TPRG1: variants seen among roughly 807,000 people sequenced by gnomAD.
TPRG1 encodes the protein tumor protein p63 regulated 1, also known as tumor protein p63-regulated gene 1 protein.
TPRG1 carries 29 observed loss-of-function variants against 29.3 expected under a neutral mutation model. That is an observed-to-expected ratio of 0.99 (90% CI 0.74 to 1.35). The LOEUF is 1.35. Ranked by LOEUF, TPRG1 falls within the 40% of genes most tolerant of loss-of-function variation. TPRG1 has a pLI of 0.00. For synonymous variants in TPRG1, 130 were observed against 116.8 expected, an observed-to-expected ratio of 1.11 and a Z score of -0.73; for missense variants, 327 against 335.0, an observed-to-expected ratio of 0.98 and a Z score of 0.19.
At chr3:189,034,921 G>A (rs570798244) in intron 4 of TPRG1, among the ~76,000 whole-genome samples, 27 of 152,202 alleles carry the variant, frequency 1.8e-4, no homozygotes, top group Admixed American at 1.7e-3. Context: ...ATTTTCCGCA[G>A]AATTAGAAAA....
intron 1 of TPRG1, among the ~76,000 whole-genome samples, chr3:189,177,094 T>C (rs1000346207): frequency 3.9e-5 from 6 of 152,086 alleles, no homozygotes; most frequent in Non-Finnish European, 5.9e-5. Flanking sequence ...GAAGCTTGGA[T>C]GAGGATGTAG....
chr3:189,187,450 AC>A (rs1174286664), intron 1 of TPRG1, among the ~76,000 whole-genome samples: 2 of 148,214 alleles, frequency 1.3e-5, no homozygotes, highest in Admixed American at 1.3e-4. Context: ...GGGATTACAG[AC>A]CCCGCCACCA....
chr3:189,294,967 A>G (rs1344184726), intron 4 of TPRG1, among the ~76,000 whole-genome samples: 1 of 152,210 alleles, frequency 6.6e-6, no homozygotes, highest in African/African-American at 2.4e-5. Context: ...CTCCTCATTT[A>G]CATAAGCTTT....
intron 4 of TPRG1, among the ~76,000 whole-genome samples, chr3:189,239,624 C>T (rs1415508443): frequency 6.6e-6 from 1 of 152,024 alleles, no homozygotes; most frequent in Non-Finnish European, 1.5e-5. Flanking sequence ...AGGAGTTAGC[C>T]AAAGAAGGAG....
At chr3:189,013,548 G>A (rs977613430) in intron 3 of TPRG1, among the ~76,000 whole-genome samples, 2 of 152,156 alleles carry the variant, frequency 1.3e-5, no homozygotes, top group Non-Finnish European at 2.9e-5. Flanking sequence ...ACCTGATCCA[G>A]AGCTGAGTTC....
intron 4 of TPRG1, among the ~76,000 whole-genome samples, chr3:189,272,600 GTCTCT>G (rs149099918): frequency 0.17 from 25,306 of 151,674 alleles, 2,360 homozygotes; most frequent in African/African-American, 0.26. Context: ...CTTCTGCCAA[GTCTCT>G]TCTCTTCTCT....
intron 1 of TPRG1, among the ~76,000 whole-genome samples, chr3:189,196,427 T>G (rs986107890): frequency 6.6e-6 from 1 of 151,986 alleles, no homozygotes; most frequent in African/African-American, 2.4e-5. Flanking sequence ...AGGAGAGAGG[T>G]TTAATTGACT....
chr3:189,307,858 C>G (rs955056903), intron 4 of TPRG1, among the ~76,000 whole-genome samples: 9 of 152,168 alleles, frequency 5.9e-5, no homozygotes, highest in Admixed American at 5.9e-4. Flanking sequence ...CTGATTTGTG[C>G]TTTTCCATGT....
At chr3:189,181,909 C>T (rs1730278625) in intron 1 of TPRG1, among the ~76,000 whole-genome samples, 1 of 152,186 alleles carries the variant, frequency 6.6e-6, no homozygotes. Context: ...TTCCATGTGA[C>T]TGGGGAAGCC....
intron 4 of TPRG1, among the ~76,000 whole-genome samples, chr3:189,239,210 C>T (rs1341923398): frequency 3.3e-5 from 5 of 152,054 alleles, no homozygotes; most frequent in South Asian, 4.2e-4. Context: ...AGAATTATGG[C>T]GGGAGGGGAA....
chr3:189,073,054 A>G (rs1226173807), intron 4 of TPRG1, among the ~76,000 whole-genome samples: 1 of 152,126 alleles, frequency 6.6e-6, no homozygotes, highest in African/African-American at 2.4e-5. Context: ...ATTAGTAGCT[A>G]TTTCCACAAT....
At position 189,175,598 on chromosome 3, in the gene TPRG1, C is replaced by T. The variant is rs1049774620; in HGVS notation, c.-10+3467C>T. 3.3e-5 allele frequency among the ~76,000 whole-genome samples: 5 copies of T among 152,192 alleles called. No homozygotes were observed. The South Asian group carries it at 1.0e-3, about 32-fold the overall frequency. ...TGAGAGAATGTCTGTGTAGGCACACCTTAGCTCTACATTAGGATTTTCAGA... is the reference window on the plus strand; with the variant it reads ...TGAGAGAATGTCTGTGTAGGCACACTTTAGCTCTACATTAGGATTTTCAGA... On this transcript the variant is annotated intron_variant, in intron 1 of 5. Transcript: ENST00000345063.
chr3:189,036,039 G>C (rs1301216738), intron 4 of TPRG1, among the ~76,000 whole-genome samples: 1 of 151,834 alleles, frequency 6.6e-6, no homozygotes, highest in Non-Finnish European at 1.5e-5. Context: ...ATTACTAGTG[G>C]ATTGGATAAA....
At chr3:189,014,033 T>C (rs774470571) in intron 3 of TPRG1, among the ~76,000 whole-genome samples, 2 of 152,192 alleles carry the variant, frequency 1.3e-5, no homozygotes, top group Admixed American at 6.5e-5. Context: ...TGTGTGAATT[T>C]GATCCTGCCA....
intron 3 of TPRG1, among the ~76,000 whole-genome samples, chr3:189,142,942 ATGATT>A (rs1436182658): frequency 6.6e-6 from 1 of 152,234 alleles, no homozygotes; most frequent in African/African-American, 2.4e-5. Context: ...TAATGTGGCA[ATGATT>A]TTCTTAATTC....
intron 4 of TPRG1, among the ~76,000 whole-genome samples, chr3:189,072,998 A>G (rs950298146): frequency 6.6e-6 from 1 of 152,168 alleles, no homozygotes; most frequent in African/African-American, 2.4e-5. Context: ...GCACAACAAG[A>G]TGATGATCTT....
intron 1 of TPRG1, among the ~76,000 whole-genome samples, chr3:189,173,564 T>G (rs1422683394): frequency 1.3e-5 from 2 of 152,056 alleles, no homozygotes; most frequent in Admixed American, 1.3e-4. Context: ...GGAACTTCTA[T>G]ATATTCTTGG....
chr3:189,113,179 T>A (rs929956498), intron 1 of TPRG1, among the ~76,000 whole-genome samples: 15 of 152,332 alleles, frequency 9.8e-5, no homozygotes, highest in Admixed American at 8.5e-4. Flanking sequence ...TCTCTGTTTG[T>A]CTGTTATTGG....
At chr3:189,225,252 A>G (rs1737560177) in intron 3 of TPRG1, among the ~76,000 whole-genome samples, 1 of 152,192 alleles carries the variant, frequency 6.6e-6, no homozygotes, top group Non-Finnish European at 1.5e-5. Flanking sequence ...CTTCATGTTC[A>G]GGAACCTCAC....
Sources: gnomAD v4.1 joint callset for allele counts (sites outside exome capture counted in the v4.1 genomes callset) on GRCh38, gnomAD v4.1.1 for gene constraint, MANE v1.5 for transcripts, NCBI Gene and HGNC (gene_info 2026-07-23, HGNC 2026-07-21) for gene names.